The following KLF15 variants were observed in gnomAD, a reference collection of about 807,000 sequenced individuals.
KLF15 encodes the protein Krueppel-like factor 15.
Under a neutral mutation model 24.6 loss-of-function variants are expected in KLF15, and 4 were observed. The observed-to-expected ratio is 0.16, with a 90% CI of 0.08 to 0.37. The LOEUF (loss-of-function observed/expected upper bound fraction) is 0.37. KLF15 is among the 10% of genes least tolerant of loss of function. KLF15 has a pLI of 1.00. For missense variants in KLF15, 496 were observed against 560.6 expected (o/e 0.88, Z 1.16); for synonymous variants, 246 against 236.3 (o/e 1.04, Z -0.37).
At chr3:126,320,704 C>T in the KLF15 span, among the ~76,000 whole-genome samples, 2 of 152,126 alleles carry the variant, frequency 1.3e-5, no homozygotes, top group African/African-American at 4.8e-5. Context: ...GGATGCTGGG[C>T]CCTTCTCTCT....
At chr3:126,355,897 C>A (rs922227704) in intron 1 of KLF15, among the ~76,000 whole-genome samples, 1 of 152,214 alleles carries the variant, frequency 6.6e-6, no homozygotes, top group Non-Finnish European at 1.5e-5. Flanking sequence ...AAAGAGAGGA[C>A]ACTCTAGGGC....
At chr3:126,300,235 C>T in the KLF15 span, among the ~76,000 whole-genome samples, 10 of 152,150 alleles carry the variant, frequency 6.6e-5, 1 homozygote, top group Admixed American at 5.2e-4. Flanking sequence ...TGGGCAGGAA[C>T]GAGGCCATCC....
intron 2 of KLF15, among the ~76,000 whole-genome samples, chr3:126,344,974 G>T (rs2082521117): frequency 6.6e-6 from 1 of 152,062 alleles, no homozygotes; most frequent in African/African-American, 2.4e-5. Flanking sequence ...TTGGCAGCAG[G>T]TCCCTCCCAC....
the KLF15 span, among the ~76,000 whole-genome samples, chr3:126,291,889 C>T: frequency 3.3e-5 from 5 of 152,202 alleles, no homozygotes; most frequent in African/African-American, 4.8e-5. Context: ...TGCTCCTTGC[C>T]GGGCTTAGCC....
At chr3:126,338,044 G>A (rs56328833), downstream of KLF15, among the ~76,000 whole-genome samples, 54,088 of 152,136 alleles carry the variant, frequency 0.36, 10,664 homozygotes, top group Non-Finnish European at 0.45. Flanking sequence ...TTTTGCCAGC[G>A]TGAGAGATTG....
rs1314092890 is a variant in KLF15 at position 126,356,856 on chromosome 3, C to A, written c.-26+381G>T. 1.3e-5 allele frequency among the ~76,000 whole-genome samples: 2 copies of A among 152,034 alleles called. No individual in the cohort carries two copies. The highest frequency in any genetic ancestry group is 3.9e-4 in the East Asian group (2 of 5,094). On this transcript the variant is annotated intron_variant, in intron 1 of 2. Transcript: ENST00000296233. The surrounding 1 kb of genome is among the most constrained non-coding windows in gnomAD (Gnocchi z 4.4). ...CGACAGTAACCCCTCCGTCTCCAGCCCCTCCGCCCCCCAACCCCGGGCTGG... is the reference window on the plus strand; with the variant it reads ...CGACAGTAACCCCTCCGTCTCCAGCACCTCCGCCCCCCAACCCCGGGCTGG...
Position 126,345,404 on chromosome 3 carries a change from A to G in KLF15, c.1083-1509T>C, listed in dbSNP as rs113753738. Among the ~76,000 whole-genome samples the G allele has an allele frequency of 3.3e-3, 498 of 152,192 alleles. 2 individuals carry two copies. Among genetic ancestry groups the G allele is most frequent in the Middle Eastern group, 6.8e-3 (2 of 294 alleles). On this transcript the variant is annotated intron_variant, in intron 2 of 2. Transcript: ENST00000296233. Reference sequence around the variant, plus strand: ...GTAGGTGCTGAGGAGGTGGATTTCAATGCAAGAGTGGGCACAGCAAGCAGC... The same window carrying G: ...GTAGGTGCTGAGGAGGTGGATTTCAGTGCAAGAGTGGGCACAGCAAGCAGC...
the KLF15 span, among the ~76,000 whole-genome samples, chr3:126,322,306 C>T: frequency 6.6e-6 from 1 of 152,090 alleles, no homozygotes; most frequent in Non-Finnish European, 1.5e-5. Context: ...CCATCGGTGG[C>T]GCTGGTTCCT....
At chr3:126,343,934 C>T (rs2082508274) in intron 2 of KLF15, 39 bp from the exon 3 acceptor site, 1 of 1,511,562 alleles carries the variant, frequency 6.6e-7, no homozygotes, top group Non-Finnish European at 8.8e-7. Flanking sequence ...CTGGCCCTGC[C>T]TGCCCCTGCC....
chr3:126,299,573 C>A, the KLF15 span, among the ~76,000 whole-genome samples: 1 of 151,744 alleles, frequency 6.6e-6, no homozygotes, highest in East Asian at 1.9e-4. Context: ...AACAGTGAAA[C>A]CCCGTCTCTA....
chr3:126,303,314 G>A, the KLF15 span, among the ~76,000 whole-genome samples: 2 of 151,780 alleles, frequency 1.3e-5, no homozygotes, highest in African/African-American at 4.8e-5. Context: ...ACTTCTGGTA[G>A]TATTTTTTTG....
chr3:126,307,032 A>T, the KLF15 span, among the ~76,000 whole-genome samples: 1 of 152,108 alleles, frequency 6.6e-6, no homozygotes, highest in East Asian at 1.9e-4. Flanking sequence ...CTCTTAACCA[A>T]CTATCTTTCC....
chr3:126,328,219 T>G, the KLF15 span, among the ~76,000 whole-genome samples: 1 of 152,224 alleles, frequency 6.6e-6, no homozygotes, highest in Admixed American at 6.5e-5. Context: ...CTTAGAATAA[T>G]AGTCTCCAAT....
rs1174418084 is a variant in KLF15, at chr3:126,342,906, T to C, written c.*821A>G. On this transcript the variant is annotated 3_prime_UTR_variant, in exon 3 of 3. Coordinates refer to ENST00000296233, the MANE Select transcript of KLF15 (RefSeq NM_014079.4). ...ACAAAATAAGGAATGCATTTCTAAA[T>C]CAGGGTTGGGAGGCTCTATCTAGTT... is the stretch of plus-strand genomic sequence containing the variant. 6.6e-6 allele frequency: 1 copy of C among 152,108 alleles called. No individual in the cohort carries two copies. Among genetic ancestry groups the C allele is most frequent in the Non-Finnish European group, 1.5e-5 (1 of 67,986 alleles). 9.4% of individuals were successfully genotyped at this position (152,108 alleles called of 1,614,324 possible).
At chr3:126,294,712 C>T in the KLF15 span, among the ~76,000 whole-genome samples, 2 of 152,156 alleles carry the variant, frequency 1.3e-5, no homozygotes, top group African/African-American at 4.8e-5. Context: ...GAGCCTTGCA[C>T]AGGCTTTGGG....
chr3:126,310,341 A>G, the KLF15 span, among the ~76,000 whole-genome samples: 1 of 152,248 alleles, frequency 6.6e-6, no homozygotes, highest in Non-Finnish European at 1.5e-5. Flanking sequence ...GCTGCAGGCT[A>G]TGGCCCCAGC....
At chr3:126,342,534 C>T (rs2082486990), downstream of KLF15, 2 of 152,442 alleles carry the variant, frequency 1.3e-5, no homozygotes, top group African/African-American at 4.8e-5. Context: ...AAATACAAAA[C>T]AGAGTTCCCT....
At chr3:126,293,031 CA>C in the KLF15 span, among the ~76,000 whole-genome samples, 1 of 151,692 alleles carries the variant, frequency 6.6e-6, no homozygotes. Context: ...ATGTTTAGGC[CA>C]GGGGCGGTGG....
intron 2 of KLF15, among the ~76,000 whole-genome samples, chr3:126,348,089 C>T (rs1018555492): frequency 3.3e-5 from 5 of 152,162 alleles, no homozygotes; most frequent in Non-Finnish European, 7.3e-5. Flanking sequence ...GTTCCCAACA[C>T]CAGAGTTAGC....
Sources: allele counts gnomAD v4.1 joint callset (sites outside exome capture counted in the v4.1 genomes callset), GRCh38; gene constraint gnomAD v4.1.1; non-coding constraint Gnocchi (gnomAD v3.1); transcripts MANE v1.5; gene names NCBI Gene and HGNC (gene_info 2026-07-23, HGNC 2026-07-21).